Variants in ECHDC1 observed in about 807,000 individuals in gnomAD.
ECHDC1 encodes ethylmalonyl-CoA decarboxylase 1, also known as ethylmalonyl-CoA decarboxylase.
Under a neutral mutation model 29.7 loss-of-function variants are expected in ECHDC1, and 29 were observed. That is an observed-to-expected ratio of 0.98 (90% CI 0.73 to 1.33). ECHDC1 has a LOEUF of 1.33. Ranked by LOEUF, ECHDC1 falls within the 40% of genes most tolerant of loss-of-function variation. ECHDC1 has a pLI of 0.00. For missense variants in ECHDC1, 328 were observed against 350.0 expected, an observed-to-expected ratio of 0.94 and a Z score of 0.50; for synonymous variants, 126 against 123.1, an observed-to-expected ratio of 1.02 and a Z score of -0.15.
At chr6:127,334,599 T>G (rs967778414) in intron 1 of ECHDC1, among the ~76,000 whole-genome samples, 4 of 152,110 alleles carry the variant, frequency 2.6e-5, no homozygotes, top group African/African-American at 9.7e-5. Flanking sequence ...AATTCTTACC[T>G]AAATCCTGAA....
Position 127,290,210 on chromosome 6 carries a change from C to A in ECHDC1, c.565G>T (p.Gly189Cys). The change falls in exon 6 of 6, where the codon GGC becomes TGC. Residue 189 changes from glycine (G) to cysteine (C), a missense_variant. Coordinates refer to ENST00000454859, the MANE Select transcript of ECHDC1 (RefSeq NM_001002030.2). ...ATTATTTCAACTAGCCGGGTGGTGC[C>A]ACCCCAGCTTGGTATTATGCCCATC... ...KEMGIIPSWG[G>C]TTRLVEIIGS... 2 of 1,613,500 alleles carry A rather than the reference C, an allele frequency of 1.2e-6. No homozygotes were observed. The highest frequency in any genetic ancestry group is 4.5e-5 in the East Asian group (2 of 44,854).
chr6:127,328,388 A>C (rs951832501), intron 2 of ECHDC1, among the ~76,000 whole-genome samples: 1 of 152,272 alleles, frequency 6.6e-6, no homozygotes, highest in Non-Finnish European at 1.5e-5. Flanking sequence ...GTATTCAGGA[A>C]GTAACACACT....
intron 4 of ECHDC1, 82 bp from the exon 5 acceptor site, chr6:127,314,978 A>C (rs2114617614): frequency 7.6e-7 from 1 of 1,323,560 alleles, no homozygotes; most frequent in East Asian, 2.5e-5. Flanking sequence ...AAAATCTTAA[A>C]ATGCAGTGGA....
intron 5 of ECHDC1, among the ~76,000 whole-genome samples, chr6:127,305,982 T>C (rs1781407371): frequency 6.9e-6 from 1 of 144,666 alleles, no homozygotes; most frequent in Non-Finnish European, 1.5e-5. Flanking sequence ...GACTAAACTC[T>C]CCAATCAAAA....
intron 5 of ECHDC1, among the ~76,000 whole-genome samples, chr6:127,311,177 G>C (rs1254007205): frequency 6.6e-6 from 1 of 152,086 alleles, no homozygotes; most frequent in Non-Finnish European, 1.5e-5. Flanking sequence ...CCTGTACCAA[G>C]ATGGCAGATT....
At chr6:127,291,185 C>G (rs1409156974) in intron 5 of ECHDC1, among the ~76,000 whole-genome samples, 2 of 150,854 alleles carry the variant, frequency 1.3e-5, no homozygotes, top group Non-Finnish European at 3.0e-5. Context: ...TAGAGGAGGT[C>G]AACCAAAGCA....
intron 5 of ECHDC1, among the ~76,000 whole-genome samples, chr6:127,299,718 GGAGTA>G (rs1446150738): frequency 6.6e-6 from 1 of 152,044 alleles, no homozygotes; most frequent in Non-Finnish European, 1.5e-5. Flanking sequence ...AAAAGTAAAA[GGAGTA>G]CATTCTAAGT....
chr6:127,331,597 T>G (rs181237308), intron 1 of ECHDC1, among the ~76,000 whole-genome samples: 12 of 152,336 alleles, frequency 7.9e-5, no homozygotes, highest in Admixed American at 5.9e-4. Context: ...ATATTTACTG[T>G]GCTCCAATAC....
chr6:127,341,341 A>C (rs1486016308), intron 1 of ECHDC1, among the ~76,000 whole-genome samples: 1 of 152,244 alleles, frequency 6.6e-6, no homozygotes, highest in Admixed American at 6.5e-5. Flanking sequence ...AGACTATCTT[A>C]GACAAAAGCT....
At chr6:127,340,715 G>C (rs1445684057) in intron 1 of ECHDC1, among the ~76,000 whole-genome samples, 1 of 150,770 alleles carries the variant, frequency 6.6e-6, no homozygotes, top group Admixed American at 6.7e-5. Context: ...AAGAAACTTG[G>C]TAAGGACTTA....
At chr6:127,333,880 T>G (rs962909440) in intron 1 of ECHDC1, among the ~76,000 whole-genome samples, 1 of 152,168 alleles carries the variant, frequency 6.6e-6, no homozygotes, top group Non-Finnish European at 1.5e-5. Flanking sequence ...TTAGGCATTC[T>G]AGTGGATGGT....
chr6:127,309,630 C>G (rs1781735738), intron 5 of ECHDC1, among the ~76,000 whole-genome samples: 1 of 151,950 alleles, frequency 6.6e-6, no homozygotes, highest in African/African-American at 2.4e-5. Context: ...CTGTACTTGG[C>G]AAAAATTTCT....
intron 5 of ECHDC1, among the ~76,000 whole-genome samples, chr6:127,311,730 A>AGAAT (rs201704120): frequency 6.7e-6 from 1 of 149,250 alleles, no homozygotes; most frequent in Non-Finnish European, 1.5e-5. Flanking sequence ...AAAGAAAGAA[A>AGAAT]ACTGGGATGG....
chr6:127,295,620 G>A (rs556525085), intron 5 of ECHDC1, among the ~76,000 whole-genome samples: 5 of 152,206 alleles, frequency 3.3e-5, no homozygotes, highest in African/African-American at 4.8e-5. Flanking sequence ...TATACTCATT[G>A]TAAGAAAGGA....
At chr6:127,333,837 C>T (rs1274690275) in intron 1 of ECHDC1, among the ~76,000 whole-genome samples, 1 of 152,090 alleles carries the variant, frequency 6.6e-6, no homozygotes, top group Non-Finnish European at 1.5e-5. Flanking sequence ...CCAGTTGCTC[C>T]ACAAGTATCA....
intron 5 of ECHDC1, among the ~76,000 whole-genome samples, chr6:127,299,363 T>C (rs1780874213): frequency 1.3e-5 from 2 of 151,144 alleles, no homozygotes; most frequent in African/African-American, 4.9e-5. Context: ...GACAATGATA[T>C]ATGTGGAGGG....
intron 4 of ECHDC1, 129 bp from the exon 5 acceptor site, chr6:127,315,025 C>T (rs755132805): frequency 2.4e-5 from 20 of 820,532 alleles, no homozygotes; most frequent in Non-Finnish European, 4.2e-5. Context: ...AAAACAAACA[C>T]ACATCAAAGG....
At chr6:127,302,227 T>C (rs1279598578) in intron 5 of ECHDC1, among the ~76,000 whole-genome samples, 2 of 152,158 alleles carry the variant, frequency 1.3e-5, no homozygotes, top group East Asian at 3.8e-4. Flanking sequence ...TAAACATAGA[T>C]GAGAAATCAA....
chr6:127,295,221 G>T (rs1172474678), intron 5 of ECHDC1, among the ~76,000 whole-genome samples: 3 of 152,016 alleles, frequency 2.0e-5, no homozygotes, highest in Non-Finnish European at 4.4e-5. Flanking sequence ...AGTGCAAAAG[G>T]CTACCTTGTA....
Sources: gnomAD v4.1 joint callset for allele counts (sites outside exome capture counted in the v4.1 genomes callset) on GRCh38, gnomAD v4.1.1 for gene constraint, MANE v1.5 for transcripts, NCBI Gene and HGNC (gene_info 2026-07-23, HGNC 2026-07-21) for gene names.